ST14: variants seen among roughly 807,000 people sequenced by gnomAD.
ST14 encodes suppressor of tumorigenicity 14 protein.
Under a neutral mutation model 96.5 loss-of-function variants are expected in ST14, and 40 were observed. The ratio of observed to expected loss-of-function variants is 0.41; its 90% CI spans 0.32 to 0.54. The LOEUF is 0.54. Ranked by LOEUF, ST14 falls within the 20% of genes least tolerant of loss-of-function variation. The pLI, the probability that ST14 is intolerant of heterozygous loss-of-function variation, is 0.17. For synonymous variants in ST14, 506 were observed against 492.1 expected, an observed-to-expected ratio of 1.03 and a Z score of -0.37; for missense variants, 1,066 against 1,188.9, an observed-to-expected ratio of 0.90 and a Z score of 1.52.
At chr11:130,182,190 A>C (rs1184352684) in intron 1 of ST14, among the ~76,000 whole-genome samples, 2 of 152,252 alleles carry the variant, frequency 1.3e-5, no homozygotes, top group African/African-American at 2.4e-5. Context: ...GCCAGTCTTG[A>C]ATGAGTCACA....
intron 1 of ST14, among the ~76,000 whole-genome samples, chr11:130,177,660 G>A (rs1255376434): frequency 3.3e-5 from 5 of 152,210 alleles, no homozygotes; most frequent in Non-Finnish European, 7.3e-5. Flanking sequence ...TCCTAGCCTG[G>A]CATCAGCCGA....
intron 1 of ST14, among the ~76,000 whole-genome samples, chr11:130,165,703 C>T (rs34008994): frequency 0.13 from 19,021 of 152,090 alleles, 1,453 homozygotes; most frequent in East Asian, 0.3. Context: ...AATGTGATGA[C>T]AGTTATTTCT....
intron 1 of ST14, 70 bp downstream of exon 1, chr11:130,160,130 G>C (rs979091550): frequency 1.8e-6 from 2 of 1,091,776 alleles, no homozygotes; most frequent in Non-Finnish European, 2.4e-6. Context: ...GCGGCGCTGG[G>C]CTCGGCCGGC....
At chr11:130,165,670 G>GCGA (rs1362352646) in intron 1 of ST14, among the ~76,000 whole-genome samples, 1 of 152,176 alleles carries the variant, frequency 6.6e-6, no homozygotes, top group Non-Finnish European at 1.5e-5. Flanking sequence ...GATGGTGGTG[G>GCGA]CGATGTTGAA....
At chr11:130,174,894 G>C (rs549320868) in intron 1 of ST14, among the ~76,000 whole-genome samples, 2 of 152,282 alleles carry the variant, frequency 1.3e-5, no homozygotes, top group South Asian at 4.1e-4. Context: ...GCTCTCCCTG[G>C]ACTGGTTCAT....
intron 1 of ST14, among the ~76,000 whole-genome samples, chr11:130,174,880 C>T (rs529461425): frequency 2.6e-5 from 4 of 152,294 alleles, no homozygotes; most frequent in African/African-American, 9.6e-5. Context: ...TTTTTGTCTT[C>T]GTGGCTCTCC....
rs376664120 is a variant in ST14 at position 130,188,276 on chromosome 11, G to C, written c.241+3G>C. 24 of 1,612,134 alleles carry C rather than the reference G, an allele frequency of 1.5e-5. No individual in the cohort carries two copies. The highest frequency in any genetic ancestry group is 1.9e-5 in the Non-Finnish European group (22 of 1,178,574). ...CTTCCTGGTGTGGCATTTGCAGTGTGAGTAAAGCTGGGGCTGGCTCCGGGG... is the reference window on the plus strand; with the variant it reads ...CTTCCTGGTGTGGCATTTGCAGTGTCAGTAAAGCTGGGGCTGGCTCCGGGG... On this transcript the variant is annotated splice_donor_region_variant and intron_variant, in intron 2 of 18. Transcript: ENST00000278742. This position sits in a 1 kb window ranked among gnomAD's most constrained non-coding sequence, Gnocchi z 5.4.
chr11:130,203,739 G>A (rs1218733769), intron 16 of ST14, among the ~76,000 whole-genome samples: 7 of 152,122 alleles, frequency 4.6e-5, no homozygotes, highest in South Asian at 2.1e-4. Context: ...TGCAACCTCC[G>A]CCTCCCGGGT....
At position 130,196,463 on chromosome 11, in the gene ST14, G is replaced by T. The variant is rs779524328; in HGVS notation, c.1223+15G>T. ...AACGGGGAGAAGTGAGTCCCCGGGGGTATGGGGGCTGCCGGGCCCATGCTG... is the reference window on the plus strand; with the variant it reads ...AACGGGGAGAAGTGAGTCCCCGGGGTTATGGGGGCTGCCGGGCCCATGCTG... On this transcript the variant is annotated intron_variant, in intron 10 of 18. Transcript: ENST00000278742. 2 of 1,601,234 alleles carry T rather than the reference G, an allele frequency of 1.2e-6. No homozygotes were observed. The highest frequency in any genetic ancestry group is 1.7e-5 in the Admixed American group (1 of 58,190).
At chr11:130,196,279 C>T (rs1953361781) in intron 9 of ST14, 60 bp from the exon 10 acceptor site, 1 of 1,375,006 alleles carries the variant, frequency 7.3e-7, no homozygotes, top group Non-Finnish European at 1.0e-6. Context: ...CCTTTGACGT[C>T]CTCAGGTTCA....
chr11:130,206,473 T>C (rs1953489953), intron 16 of ST14, among the ~76,000 whole-genome samples: 2 of 152,232 alleles, frequency 1.3e-5, no homozygotes, highest in African/African-American at 2.4e-5. Flanking sequence ...TTGATTATTA[T>C]TGTGGCAGGC....
chr11:130,197,865 G>T lies in ST14; in HGVS notation c.1379G>T (p.Arg460Leu), dbSNP rs151202492. 7 of 1,588,384 alleles carry T rather than the reference G, an allele frequency of 4.4e-6. No homozygotes were observed. The highest frequency in any genetic ancestry group is 1.7e-4 in the Middle Eastern group (1 of 6,018). The part of the protein sequence containing the change: ...SDPCPGQFTC[R>L]TGRCIRKELR... Reference sequence around the variant, plus strand: ...GCATGCCCGGGGCAGTTCACGTGCCGCACGGGGCGGTGTATCCGGAAGGAG... The same window carrying T: ...GCATGCCCGGGGCAGTTCACGTGCCTCACGGGGCGGTGTATCCGGAAGGAG... Residue 460 changes from arginine to leucine, a missense_variant, in exon 12 of 19, where the codon CGC becomes CTC. Physicochemically the swap from Arg to Leu is moderately radical, Grantham distance 102 (BLOSUM62 -2). Coordinates refer to ENST00000278742, the MANE Select transcript of ST14 (RefSeq NM_021978.4).
At chr11:130,160,112 C>A (rs1477262361) in intron 1 of ST14, 52 bp downstream of exon 1, 9 of 1,265,622 alleles carry the variant, frequency 7.1e-6, no homozygotes, top group African/African-American at 3.1e-5. Flanking sequence ...CCCGCCCGAC[C>A]CTGCAGCGCG....
Position 130,209,835 on chromosome 11 carries a change from A to C in ST14, c.*12A>C. The C allele has an allele frequency of 6.2e-7, 1 of 1,612,662 alleles. No homozygotes were observed. The highest frequency in any genetic ancestry group is 8.5e-7 in the Non-Finnish European group (1 of 1,179,964). On this transcript the variant is annotated 3_prime_UTR_variant, in exon 19 of 19. Transcript: ENST00000278742. ...ACACTGGGGTATAGGGGCCGGGGCCACCCAAATGTGTACACCTGCGGGGCC... is the reference window on the plus strand; with the variant it reads ...ACACTGGGGTATAGGGGCCGGGGCCCCCCAAATGTGTACACCTGCGGGGCC...
intron 9 of ST14, 52 bp downstream of exon 9, chr11:130,194,789 C>T (rs1042660148): frequency 4.6e-5 from 72 of 1,572,262 alleles, no homozygotes; most frequent in African/African-American, 8.1e-5. Context: ...TGTATGTGCA[C>T]GTGTGTGTGT....
Position 130,200,247 on chromosome 11 carries a change from T to C in ST14, c.1994+110T>C, listed in dbSNP as rs1953414084. ...AGGGCACTGGAGGGGTGGCCACATGTGTTAGTCCATTCTTGAGTTGCTCTA... is the reference window on the plus strand; with the variant it reads ...AGGGCACTGGAGGGGTGGCCACATGCGTTAGTCCATTCTTGAGTTGCTCTA... On this transcript the variant is annotated intron_variant, in intron 16 of 18. Transcript: ENST00000278742. The C allele has an allele frequency of 4.8e-6, 6 of 1,249,690 alleles. No homozygotes were observed. The South Asian group carries it at 6.5e-5, about 14-fold the overall frequency. The allele number at this position is 1,249,690 out of a possible 1,614,324, so 77.4% of individuals were successfully genotyped here.
chr11:130,207,976 C>G (rs1953506102), intron 16 of ST14, among the ~76,000 whole-genome samples: 1 of 152,088 alleles, frequency 6.6e-6, no homozygotes, highest in South Asian at 2.1e-4. Context: ...GAGGCTGAGG[C>G]AGGATAATCG....
At chr11:130,206,460 T>TG (rs61266927) in intron 16 of ST14, among the ~76,000 whole-genome samples, 8,927 of 152,298 alleles carry the variant, frequency 0.059, 332 homozygotes, top group Middle Eastern at 0.095. Flanking sequence ...GATTCTCACA[T>TG]TGTTGATTAT....
chr11:130,205,755 G>A (rs999853979), intron 16 of ST14, among the ~76,000 whole-genome samples: 5 of 132,438 alleles, frequency 3.8e-5, no homozygotes, highest in Non-Finnish European at 4.6e-5. Flanking sequence ...CTGGAGTGCA[G>A]TGGCACAATC....
Sources: allele counts gnomAD v4.1 joint callset (sites outside exome capture counted in the v4.1 genomes callset), GRCh38; gene constraint gnomAD v4.1.1; non-coding constraint Gnocchi (gnomAD v3.1); transcripts MANE v1.5; gene names NCBI Gene and HGNC (gene_info 2026-07-23, HGNC 2026-07-21).